PTPRT: variants seen among roughly 807,000 people sequenced by gnomAD.
PTPRT encodes the protein receptor-type tyrosine-protein phosphatase T.
PTPRT carries 56 observed loss-of-function variants against 176.8 expected under a neutral mutation model. The ratio of observed to expected loss-of-function variants is 0.32; its 90% CI spans 0.26 to 0.40. The LOEUF is 0.40. PTPRT is among the 10% of genes least tolerant of loss of function. The pLI, the probability that PTPRT is intolerant of heterozygous loss-of-function variation, is 1.00. For missense variants in PTPRT, 1,540 were observed against 1,908.2 expected (o/e 0.81, Z 3.60); for synonymous variants, 783 against 739.0 (o/e 1.06, Z -0.96).
chr20:42,779,308 C>A (rs2077181318), intron 4 of PTPRT, among the ~76,000 whole-genome samples: 1 of 152,176 alleles, frequency 6.6e-6, no homozygotes, highest in African/African-American at 2.4e-5. Context: ...GCAAACTGCA[C>A]CATAGCCCAA....
intron 9 of PTPRT, among the ~76,000 whole-genome samples, chr20:42,418,837 G>T (rs112658674): frequency 6.6e-6 from 1 of 152,112 alleles, no homozygotes; most frequent in Non-Finnish European, 1.5e-5. Context: ...ACCCTCCCCC[G>T]GCGGAGGAGG....
In PTPRT at chr20:43,048,052, G is replaced by A. The variant is rs1471098809; in HGVS notation, c.88+141594C>T. 5.9e-5 allele frequency among the ~76,000 whole-genome samples: 9 copies of A among 152,154 alleles called. No individual in the cohort carries two copies. The East Asian group carries it at 1.7e-3, about 29-fold the overall frequency. The stretch of plus-strand genomic sequence containing the variant: ...GGTAATCAACTGCATGGATCATTTG[G>A]AAAAGCCATAGAAAAGAACATGGGA... On this transcript the variant is annotated intron_variant, in intron 1 of 30. Coordinates refer to ENST00000373187, the MANE Select transcript of PTPRT (RefSeq NM_007050.6).
At position 42,307,381 on chromosome 20, in the gene PTPRT, GCA is replaced by G. The variant is rs1250757066; in HGVS notation, c.2139+8340_2139+8341del. ...TCTGCTGACCCATTTCAAATATATAGCAGAAGTGATCCAGTGAGATTTTGTTG... is the reference window on the plus strand; with the variant it reads ...TCTGCTGACCCATTTCAAATATATAGGAAGTGATCCAGTGAGATTTTGTTG... On this transcript the variant is annotated intron_variant, in intron 12 of 30. Coordinates refer to ENST00000373187, the MANE Select transcript of PTPRT (RefSeq NM_007050.6). Among the ~76,000 whole-genome samples, 6 of 152,130 alleles carry G rather than the reference GCA, an allele frequency of 3.9e-5. No homozygotes were observed. In the East Asian group the frequency reaches 1.2e-3, roughly 29 times the overall value.
intron 11 of PTPRT, among the ~76,000 whole-genome samples, chr20:42,332,408 T>C (rs1201503438): frequency 6.6e-6 from 1 of 152,064 alleles, no homozygotes; most frequent in Non-Finnish European, 1.5e-5. Context: ...GACAGGGTTT[T>C]ACCGTGTTAG....
At chr20:43,103,227 A>G (rs1819663091) in intron 1 of PTPRT, among the ~76,000 whole-genome samples, 1 of 152,134 alleles carries the variant, frequency 6.6e-6, no homozygotes, top group Non-Finnish European at 1.5e-5. Context: ...CAGAGGACAG[A>G]GTCTAGCCCC....
chr20:43,076,567 AG>A (rs751052250), intron 1 of PTPRT, among the ~76,000 whole-genome samples: 16 of 152,278 alleles, frequency 1.1e-4, no homozygotes, highest in South Asian at 4.2e-4. Flanking sequence ...GAGCCTTCTC[AG>A]TTCCCCAAAA....
intron 1 of PTPRT, among the ~76,000 whole-genome samples, chr20:43,186,679 T>C (rs1264362416): frequency 6.6e-6 from 1 of 152,214 alleles, no homozygotes; most frequent in East Asian, 1.9e-4. Flanking sequence ...GCTTTTACTA[T>C]GTGTTTGCGA....
chr20:42,497,018 A>C (rs914741692), intron 7 of PTPRT, among the ~76,000 whole-genome samples: 3 of 152,164 alleles, frequency 2.0e-5, no homozygotes, highest in African/African-American at 7.2e-5. Flanking sequence ...ATAGCAAAAT[A>C]AATTCAAAGG....
At chr20:42,545,210 CT>C (rs1361254823) in intron 7 of PTPRT, among the ~76,000 whole-genome samples, 3 of 152,208 alleles carry the variant, frequency 2.0e-5, no homozygotes, top group African/African-American at 4.8e-5. Context: ...CTCTGCTGGA[CT>C]TTTACCTTGG....
chr20:43,157,467 A>G (rs2014556791), intron 1 of PTPRT, among the ~76,000 whole-genome samples: 1 of 152,168 alleles, frequency 6.6e-6, no homozygotes, highest in Non-Finnish European at 1.5e-5. Flanking sequence ...GTACACTGTA[A>G]AGGTAGAACC....
At chr20:42,864,613 A>G (rs1340049171) in intron 2 of PTPRT, among the ~76,000 whole-genome samples, 1 of 152,170 alleles carries the variant, frequency 6.6e-6, no homozygotes, top group Non-Finnish European at 1.5e-5. Context: ...CCATAGAGAA[A>G]CTTTGCTCAA....
At chr20:42,922,535 T>C (rs1411364086) in intron 1 of PTPRT, among the ~76,000 whole-genome samples, 2 of 152,236 alleles carry the variant, frequency 1.3e-5, no homozygotes, top group Non-Finnish European at 2.9e-5. Flanking sequence ...TCGACTACTC[T>C]TCTCCAAACC....
chr20:42,587,761 C>T (rs986589639), intron 7 of PTPRT, among the ~76,000 whole-genome samples: 5 of 152,034 alleles, frequency 3.3e-5, no homozygotes, highest in East Asian at 1.9e-4. Context: ...AGCCCTGCCT[C>T]GGCTCTGGAT....
At chr20:42,173,303 C>CAATAAAGG (rs1990152995) in intron 16 of PTPRT, among the ~76,000 whole-genome samples, 1 of 152,166 alleles carries the variant, frequency 6.6e-6, no homozygotes, top group Admixed American at 6.5e-5. Context: ...AACTGGGCCA[C>CAATAAAGG]AATAAAGGGT....
chr20:43,011,087 G>A (rs1985095795), intron 1 of PTPRT, among the ~76,000 whole-genome samples: 1 of 152,184 alleles, frequency 6.6e-6, no homozygotes, highest in South Asian at 2.1e-4. Context: ...TACTCTGAAA[G>A]CAAATTAGTA....
At position 42,423,090 on chromosome 20, in the gene PTPRT, T is replaced by C. The variant is rs142573186; in HGVS notation, c.1560+25130A>G. Among the ~76,000 whole-genome samples, 225 of 143,896 alleles carry C rather than the reference T, an allele frequency of 1.6e-3. 1 individual carries two copies. In the East Asian group the frequency reaches 0.029, roughly 18 times the overall value. 94.4% of individuals were successfully genotyped at this position (143,896 alleles called of 152,430 possible). ...GGAGAGGATCAGGAAAAATAATTAATGGGTACTAGGCTGAATACCTGGGGG... is the reference window on the plus strand; with the variant it reads ...GGAGAGGATCAGGAAAAATAATTAACGGGTACTAGGCTGAATACCTGGGGG... On this transcript the variant is annotated intron_variant, in intron 9 of 30. Transcript: ENST00000373187.
chr20:42,719,802 C>T (rs2076278856), intron 6 of PTPRT, among the ~76,000 whole-genome samples: 2 of 152,054 alleles, frequency 1.3e-5, no homozygotes, highest in South Asian at 4.2e-4. Context: ...CACTGGATAC[C>T]CAGAGAAGAA....
intron 6 of PTPRT, among the ~76,000 whole-genome samples, chr20:42,703,333 T>TA (rs896182445): frequency 6.6e-5 from 10 of 150,506 alleles, no homozygotes; most frequent in South Asian, 2.1e-4. Flanking sequence ...ACTATTTCCA[T>TA]AAAAAAAATT....
intron 3 of PTPRT, among the ~76,000 whole-genome samples, chr20:42,786,068 C>T (rs985602727): frequency 7.9e-5 from 12 of 152,154 alleles, no homozygotes; most frequent in Non-Finnish European, 1.3e-4. Flanking sequence ...AAGTGTTTGA[C>T]AGTTCCTCCT....
Sources: gnomAD v4.1 joint callset for allele counts (sites outside exome capture counted in the v4.1 genomes callset) on GRCh38, gnomAD v4.1.1 for gene constraint, MANE v1.5 for transcripts, NCBI Gene and HGNC (gene_info 2026-07-23, HGNC 2026-07-21) for gene names.